The following MAP7 variants were observed in gnomAD, a reference collection of about 807,000 sequenced individuals.
MAP7 encodes ensconsin.
MAP7 carries 52 observed loss-of-function variants against 94.8 expected under a neutral mutation model. The observed-to-expected ratio is 0.55, with a 90% CI of 0.44 to 0.69. The LOEUF (loss-of-function observed/expected upper bound fraction) is 0.69. Among genes scored for constraint, MAP7 ranks in the 30% least tolerant of loss-of-function variants. The probability of loss-of-function intolerance (pLI) is 0.00; values close to 1 mark genes in which losing one functional copy is unlikely to be tolerated. For synonymous variants in MAP7, 350 were observed against 357.0 expected (o/e 0.98, Z 0.22); for missense variants, 940 against 964.6 (o/e 0.97, Z 0.34).
chr6:136,474,366 G>A (rs776409659), intron 1 of MAP7, among the ~76,000 whole-genome samples: 2 of 152,184 alleles, frequency 1.3e-5, no homozygotes, highest in Non-Finnish European at 2.9e-5. Context: ...CGGCAGGGGC[G>A]AGTGTAGAGC....
chr6:136,346,187 A>G, intron 16 of MAP7, 108 bp from the exon 17 acceptor site: 1 of 658,696 alleles, frequency 1.5e-6, no homozygotes, highest in Non-Finnish European at 2.5e-6. Flanking sequence ...TAAATCTACA[A>G]TTAAAAAAAT....
intron 1 of MAP7, among the ~76,000 whole-genome samples, chr6:136,514,533 C>T (rs1264415207): frequency 7.8e-6 from 1 of 128,398 alleles, no homozygotes; most frequent in Non-Finnish European, 1.5e-5. Context: ...TTACAGTGAG[C>T]TGAGATCACA....
intron 1 of MAP7, among the ~76,000 whole-genome samples, chr6:136,490,993 T>C (rs1243088211): frequency 2.0e-5 from 3 of 152,212 alleles, no homozygotes; most frequent in African/African-American, 7.2e-5. Flanking sequence ...ACTTTGGCAT[T>C]ACTGTTGTTA....
At chr6:136,495,479 C>T (rs1160951759) in intron 1 of MAP7, among the ~76,000 whole-genome samples, 4 of 151,700 alleles carry the variant, frequency 2.6e-5, no homozygotes, top group Non-Finnish European at 5.9e-5. Flanking sequence ...CACACACACA[C>T]ACACATAAAC....
At chr6:136,485,408 T>C (rs1172167988) in intron 1 of MAP7, among the ~76,000 whole-genome samples, 3 of 152,204 alleles carry the variant, frequency 2.0e-5, no homozygotes, top group Non-Finnish European at 4.4e-5. Context: ...ATGAATACCA[T>C]GTGGCAGTAA....
At chr6:136,380,190 A>G (rs1382302929) in intron 6 of MAP7, among the ~76,000 whole-genome samples, 1 of 152,214 alleles carries the variant, frequency 6.6e-6, no homozygotes, top group African/African-American at 2.4e-5. Context: ...GGCAAACTCA[A>G]AGGCCTCTGG....
intron 3 of MAP7, among the ~76,000 whole-genome samples, chr6:136,401,245 G>C (rs796721076): frequency 2.0e-5 from 3 of 152,304 alleles, no homozygotes; most frequent in African/African-American, 7.2e-5. Context: ...CCAGGTACTT[G>C]GGAGGCTGAG....
chr6:136,539,507 A>G (rs1829144732), intron 1 of MAP7, among the ~76,000 whole-genome samples: 1 of 152,220 alleles, frequency 6.6e-6, no homozygotes, highest in Non-Finnish European at 1.5e-5. Context: ...AGTCCCATCC[A>G]ATATCCACTA....
At chr6:136,394,212 T>C (rs1005553522) in intron 3 of MAP7, among the ~76,000 whole-genome samples, 4 of 152,062 alleles carry the variant, frequency 2.6e-5, no homozygotes, top group African/African-American at 9.7e-5. Context: ...CTCGATCTCC[T>C]GACCTCGTGA....
intron 3 of MAP7, among the ~76,000 whole-genome samples, chr6:136,407,459 G>T (rs182791878): frequency 6.6e-5 from 10 of 152,306 alleles, no homozygotes; most frequent in African/African-American, 2.4e-4. Context: ...GGCACTAATT[G>T]TGATACAGTG....
At chr6:136,463,134 C>T (rs2051216944) in intron 1 of MAP7, among the ~76,000 whole-genome samples, 1 of 152,036 alleles carries the variant, frequency 6.6e-6, no homozygotes. Flanking sequence ...TCAATTAATA[C>T]ATCTTAAGAG....
chr6:136,503,753 G>A (rs1820530418), intron 1 of MAP7, among the ~76,000 whole-genome samples: 1 of 152,168 alleles, frequency 6.6e-6, no homozygotes, highest in Non-Finnish European at 1.5e-5. Flanking sequence ...ACTAAATCAA[G>A]TGGAAGTGAA....
intron 1 of MAP7, among the ~76,000 whole-genome samples, chr6:136,518,717 T>C (rs1171243732): frequency 2.6e-5 from 4 of 152,240 alleles, no homozygotes; most frequent in Non-Finnish European, 5.9e-5. Flanking sequence ...GGAGAATTTC[T>C]GTAACAACGA....
chr6:136,354,485 C>CAT (rs1234570258), intron 16 of MAP7, among the ~76,000 whole-genome samples: 1 of 143,172 alleles, frequency 7.0e-6, no homozygotes, highest in Admixed American at 7.1e-5. Context: ...GATATATATA[C>CAT]ATATATATAT....
intron 3 of MAP7, among the ~76,000 whole-genome samples, chr6:136,410,009 A>G (rs898435721): frequency 6.6e-6 from 1 of 152,204 alleles, no homozygotes; most frequent in African/African-American, 2.4e-5. Context: ...TAAGTCTTAC[A>G]CCTTTATAGT....
chr6:136,424,930 A>T (rs532453334), intron 1 of MAP7, among the ~76,000 whole-genome samples: 2 of 152,362 alleles, frequency 1.3e-5, no homozygotes, highest in East Asian at 3.9e-4. Flanking sequence ...AAACAGCAAA[A>T]GCTTAAACTC....
chr6:136,453,490 C>T (rs762785666), intron 1 of MAP7, among the ~76,000 whole-genome samples: 5 of 152,134 alleles, frequency 3.3e-5, no homozygotes, highest in Admixed American at 6.5e-5. Flanking sequence ...ATACGCTTTC[C>T]GGACAATCTA....
At chr6:136,481,239 T>C (rs1299642567) in intron 1 of MAP7, among the ~76,000 whole-genome samples, 1 of 152,182 alleles carries the variant, frequency 6.6e-6, no homozygotes, top group African/African-American at 2.4e-5. Context: ...AAAATAGAAC[T>C]ACCATATGAT....
chr6:136,502,367 T>G (rs1820055647), intron 1 of MAP7, among the ~76,000 whole-genome samples: 1 of 152,262 alleles, frequency 6.6e-6, no homozygotes, highest in South Asian at 2.1e-4. Context: ...CTACATTCCT[T>G]TCTTTGTGAT....
Sources: gnomAD v4.1 joint callset for allele counts (sites outside exome capture counted in the v4.1 genomes callset) on GRCh38, gnomAD v4.1.1 for gene constraint, MANE v1.5 for transcripts, NCBI Gene and HGNC (gene_info 2026-07-23, HGNC 2026-07-21) for gene names.